Variants in MELK observed in about 807,000 individuals in gnomAD.
The protein encoded by MELK is pEg3 kinase.
Under a neutral mutation model 85.0 loss-of-function variants are expected in MELK, and 81 were observed. That is an observed-to-expected ratio of 0.95 (90% CI 0.80 to 1.15). The LOEUF (loss-of-function observed/expected upper bound fraction) is 1.15, where lower values mean the gene tolerates loss of function less well. MELK is among the 50% of genes most tolerant of loss of function. The probability of loss-of-function intolerance (pLI) is 0.00; values close to 1 mark genes in which losing one functional copy is unlikely to be tolerated. For missense variants in MELK, 754 were observed against 777.5 expected (o/e 0.97, Z 0.36); for synonymous variants, 252 against 265.0 (o/e 0.95, Z 0.48).
intron 8 of MELK, among the ~76,000 whole-genome samples, chr9:36,628,279 C>G (rs557931485): frequency 1.4e-4 from 21 of 152,352 alleles, no homozygotes; most frequent in Middle Eastern, 3.4e-3. Context: ...TGAAGGCTCA[C>G]TGCTGCCTGG....
rs771092591 is a variant in MELK at position 36,599,459 on chromosome 9, A to G, written c.540A>G (p.Ile180Met). 19 of 1,612,804 alleles carry G rather than the reference A, an allele frequency of 1.2e-5. No homozygotes were observed. The highest frequency in any genetic ancestry group is 1.6e-4 in the Middle Eastern group (1 of 6,082). Residue 180 changes from isoleucine to methionine, a missense_variant, in exon 7 of 18, where the codon ATA becomes ATG. Coordinates refer to ENST00000298048, the MANE Select transcript of MELK (RefSeq NM_014791.4). Reference protein sequence around the residue: ...GSLAYAAPELIQGKSYLGSEA... With the variant: ...GSLAYAAPELMQGKSYLGSEA... ...TGGCTTATGCAGCACCTGAGTTAAT[A>G]CAAGGCAAATCATATCTTGGATCAG...
At chr9:36,597,009 A>G (rs1824360008) in intron 5 of MELK, among the ~76,000 whole-genome samples, 1 of 151,904 alleles carries the variant, frequency 6.6e-6, no homozygotes, top group Admixed American at 6.6e-5. Flanking sequence ...TAATTTATTT[A>G]TTTTTAAAAA....
intron 8 of MELK, among the ~76,000 whole-genome samples, chr9:36,616,228 A>T (rs1221326157): frequency 1.3e-5 from 2 of 152,160 alleles, no homozygotes; most frequent in African/African-American, 2.4e-5. Flanking sequence ...TCTAACACAT[A>T]TATAGATTCA....
At chr9:36,614,432 TTTTTTTTTTTTAATTTA>T (rs1826359411) in intron 8 of MELK, among the ~76,000 whole-genome samples, 1 of 145,436 alleles carries the variant, frequency 6.9e-6, no homozygotes, top group African/African-American at 2.6e-5. Flanking sequence ...TGGGTTTTTT[TTTTTTTTTTTTAATTTA>T]TTTTTTTATT....
intron 7 of MELK, among the ~76,000 whole-genome samples, chr9:36,603,437 C>CT (rs35162618): frequency 1.0e-3 from 145 of 145,718 alleles, no homozygotes; most frequent in Middle Eastern, 3.5e-3. Flanking sequence ...ATTATTTTAT[C>CT]TTTTTTTTTT....
At chr9:36,644,088 ACAG>A (rs1225726373) in intron 11 of MELK, among the ~76,000 whole-genome samples, 1 of 152,184 alleles carries the variant, frequency 6.6e-6, no homozygotes, top group Non-Finnish European at 1.5e-5. Flanking sequence ...CCTGAAAGCA[ACAG>A]CAGCGTCACG....
intron 8 of MELK, among the ~76,000 whole-genome samples, chr9:36,614,548 A>G (rs911662746): frequency 3.2e-5 from 4 of 123,476 alleles, no homozygotes; most frequent in African/African-American, 6.5e-5. Context: ...ACAAGTGAAC[A>G]AAGGTCTCTG....
chr9:36,629,282 G>C (rs749826348), intron 8 of MELK, among the ~76,000 whole-genome samples: 3 of 152,186 alleles, frequency 2.0e-5, no homozygotes, highest in Non-Finnish European at 4.4e-5. Context: ...TAAACAATGT[G>C]ATTTCTGCTG....
At chr9:36,601,582 A>G (rs1160247120) in intron 7 of MELK, among the ~76,000 whole-genome samples, 1 of 151,920 alleles carries the variant, frequency 6.6e-6, no homozygotes, top group Non-Finnish European at 1.5e-5. Flanking sequence ...TAAAATACAC[A>G]TAACATAAAA....
At chr9:36,646,793 G>A (rs1396895860) in intron 11 of MELK, among the ~76,000 whole-genome samples, 1 of 152,222 alleles carries the variant, frequency 6.6e-6, no homozygotes, top group Non-Finnish European at 1.5e-5. Context: ...CCACTCCTCC[G>A]TGTCTGTGCC....
chr9:36,586,533 T>C (rs1822921075), intron 3 of MELK, among the ~76,000 whole-genome samples: 1 of 152,190 alleles, frequency 6.6e-6, no homozygotes, highest in Non-Finnish European at 1.5e-5. Context: ...ATTTTTTGTT[T>C]TCTATTTATT....
intron 17 of MELK, among the ~76,000 whole-genome samples, chr9:36,675,184 G>T (rs1429585410): frequency 6.6e-6 from 1 of 152,178 alleles, no homozygotes; most frequent in Admixed American, 6.6e-5. Context: ...CTACGTGGGA[G>T]GCTGAGGCAT....
chr9:36,625,582 C>T (rs1011437268), intron 8 of MELK, among the ~76,000 whole-genome samples: 11 of 152,096 alleles, frequency 7.2e-5, no homozygotes, highest in African/African-American at 9.7e-5. Flanking sequence ...GTAGATGAAG[C>T]GTGGTAGGGG....
rs1587328729 is a variant in MELK at position 36,585,353 on chromosome 9, C to T, written c.144+1641C>T. 1.5e-5 allele frequency among the ~76,000 whole-genome samples: 2 copies of T among 132,132 alleles called. 1 individual carries two copies. Among genetic ancestry groups the T allele is most frequent in the East Asian group, 4.4e-4 (2 of 4,554 alleles). The allele number at this position is 132,132 out of a possible 152,430, so 86.7% of individuals were successfully genotyped here. On this transcript the variant is annotated intron_variant, in intron 3 of 17. Coordinates refer to ENST00000298048, the MANE Select transcript of MELK (RefSeq NM_014791.4). ...GATGGAGTCTTGCTCTGTCACCAGG[C>T]TGGAATGCAGTGGTGCGATCTCGGC...
At chr9:36,675,619 GTTTT>G (rs1833279214) in intron 17 of MELK, among the ~76,000 whole-genome samples, 1 of 152,086 alleles carries the variant, frequency 6.6e-6, no homozygotes, top group Non-Finnish European at 1.5e-5. Flanking sequence ...ATGACTGGCT[GTTTT>G]ACAGGGCTGG....
At chr9:36,597,700 A>G (rs1355444654) in intron 6 of MELK, among the ~76,000 whole-genome samples, 1 of 152,274 alleles carries the variant, frequency 6.6e-6, no homozygotes, top group Non-Finnish European at 1.5e-5. Context: ...TTCTATAACT[A>G]ACAATTAGTT....
In MELK at chr9:36,651,859, C is replaced by T. The variant is rs1235606333; in HGVS notation, c.1035C>T (p.Thr345=). 2 of 1,613,556 alleles carry T rather than the reference C, an allele frequency of 1.2e-6. No homozygotes were observed. The highest frequency in any genetic ancestry group is 2.2e-5 in the East Asian group (1 of 44,874). Residue 345 remains threonine, a synonymous_variant, in exon 12 of 18, where the codon ACC becomes ACT. Coordinates refer to ENST00000298048, the MANE Select transcript of MELK (RefSeq NM_014791.4). ...TCTCCTGTGGACAAGCCAGTGCTACCCCATTCACAGACATCAAGGTAAGTG... is the reference window on the plus strand; with the variant it reads ...TCTCCTGTGGACAAGCCAGTGCTACTCCATTCACAGACATCAAGGTAAGTG... The part of the protein sequence containing the change: ...SSFSCGQASA[T]PFTDIKSNNW...
chr9:36,640,127 T>C (rs1175881022), intron 10 of MELK, among the ~76,000 whole-genome samples: 2 of 152,234 alleles, frequency 1.3e-5, no homozygotes, highest in Non-Finnish European at 2.9e-5. Context: ...GTTGTGCTTA[T>C]ACCAGTCAAT....
chr9:36,621,074 G>C (rs1827360297), intron 8 of MELK, among the ~76,000 whole-genome samples: 1 of 151,208 alleles, frequency 6.6e-6, no homozygotes, highest in African/African-American at 2.4e-5. Flanking sequence ...CTCGAAATCA[G>C]CCTGGCCAAC....
Sources: allele counts gnomAD v4.1 joint callset (sites outside exome capture counted in the v4.1 genomes callset), GRCh38; gene constraint gnomAD v4.1.1; transcripts MANE v1.5; gene names NCBI Gene and HGNC (gene_info 2026-07-23, HGNC 2026-07-21).